The following MEIS2 variants were observed in gnomAD, a reference collection of about 807,000 sequenced individuals.
MEIS2 encodes Meis homeobox 2, also known as homeobox protein Meis2.
MEIS2 carries 9 observed loss-of-function variants against 58.6 expected under a neutral mutation model. That is an observed-to-expected ratio of 0.15 (90% CI 0.09 to 0.27). The LOEUF is 0.27. Ranked by LOEUF, MEIS2 falls within the 10% of genes least tolerant of loss-of-function variation. MEIS2 has a pLI of 1.00. For missense variants in MEIS2, 427 were observed against 635.0 expected, an observed-to-expected ratio of 0.67 and a Z score of 3.52; for synonymous variants, 221 against 228.4, an observed-to-expected ratio of 0.97 and a Z score of 0.29.
Position 36,908,750 on chromosome 15 carries a change from C to T in MEIS2, c.978-12064G>A, listed in dbSNP as rs141483534. The stretch of plus-strand genomic sequence containing the variant: ...GCGGGCGGATCACCAGCCTGACCAA[C>T]GTGGAGAAACCCCGTCTCTACTAAA... On this transcript the variant is annotated intron_variant, in intron 9 of 11. Coordinates refer to ENST00000561208, the MANE Select transcript of MEIS2 (RefSeq NM_170675.5). Among the ~76,000 whole-genome samples, 949 of 152,082 alleles carry T rather than the reference C, an allele frequency of 6.2e-3. 11 individuals are homozygous for T. The highest frequency in any genetic ancestry group is 0.022 in the African/African-American group (896 of 41,436).
chr15:36,951,203 C>T (rs1020265580), intron 8 of MEIS2, among the ~76,000 whole-genome samples: 2 of 152,182 alleles, frequency 1.3e-5, no homozygotes, highest in Non-Finnish European at 2.9e-5. Flanking sequence ...TATCAAGACA[C>T]TTTCCTCTCT....
chr15:37,022,962 A>G (rs576602465), intron 8 of MEIS2, among the ~76,000 whole-genome samples: 2 of 152,070 alleles, frequency 1.3e-5, no homozygotes, highest in African/African-American at 4.8e-5. Flanking sequence ...GCCTGCTTCA[A>G]TTTTTTTCTT....
intron 7 of MEIS2, among the ~76,000 whole-genome samples, chr15:37,050,311 T>A (rs1238186234): frequency 6.6e-6 from 1 of 152,182 alleles, no homozygotes; most frequent in Non-Finnish European, 1.5e-5. Flanking sequence ...ATATATGTTA[T>A]GGGTATAGTT....
At chr15:36,922,076 C>A (rs1471910122) in intron 9 of MEIS2, among the ~76,000 whole-genome samples, 1 of 152,134 alleles carries the variant, frequency 6.6e-6, no homozygotes, top group African/African-American at 2.4e-5. Context: ...TTTGCCTTCC[C>A]AATCTTAAAA....
intron 8 of MEIS2, among the ~76,000 whole-genome samples, chr15:37,023,056 T>C (rs1348572430): frequency 6.6e-6 from 1 of 152,206 alleles, no homozygotes; most frequent in East Asian, 1.9e-4. Context: ...TAGTTTAGTG[T>C]TTTTCTTTAT....
chr15:37,054,903 C>T (rs1040125117), intron 7 of MEIS2, among the ~76,000 whole-genome samples: 6 of 152,144 alleles, frequency 3.9e-5, no homozygotes, highest in Non-Finnish European at 5.9e-5. Flanking sequence ...TCTAGAATAA[C>T]GACAGCATTA....
At chr15:37,075,394 A>G (rs1213482122) in intron 7 of MEIS2, among the ~76,000 whole-genome samples, 2 of 152,068 alleles carry the variant, frequency 1.3e-5, no homozygotes, top group African/African-American at 4.8e-5. Context: ...GTCCATTGAC[A>G]TATTTAAGAC....
intron 8 of MEIS2, among the ~76,000 whole-genome samples, chr15:37,035,408 A>G (rs2062111516): frequency 6.6e-6 from 1 of 152,218 alleles, no homozygotes. Context: ...AAAAGTGATT[A>G]AATACTCCTG....
chr15:37,034,867 G>A (rs1007728024), intron 8 of MEIS2, among the ~76,000 whole-genome samples: 1 of 152,064 alleles, frequency 6.6e-6, no homozygotes, highest in African/African-American at 2.4e-5. Flanking sequence ...ACAGAGTTGG[G>A]GACTTGGAAG....
intron 11 of MEIS2, among the ~76,000 whole-genome samples, chr15:36,893,971 T>C (rs2056029233): frequency 6.6e-6 from 1 of 152,124 alleles, no homozygotes; most frequent in South Asian, 2.1e-4. Context: ...GTTGGCAGAC[T>C]CTGAATTTTT....
At chr15:36,918,074 C>T (rs981424070) in intron 9 of MEIS2, among the ~76,000 whole-genome samples, 1 of 152,108 alleles carries the variant, frequency 6.6e-6, no homozygotes, top group African/African-American at 2.4e-5. Flanking sequence ...GCATCAAGGA[C>T]CTTATCAGGA....
At chr15:37,053,542 A>G (rs527471423) in intron 7 of MEIS2, among the ~76,000 whole-genome samples, 2 of 152,286 alleles carry the variant, frequency 1.3e-5, no homozygotes, top group Non-Finnish European at 2.9e-5. Flanking sequence ...GACTTCCTCA[A>G]CTATTTATAT....
chr15:36,896,529 G>A, intron 10 of MEIS2, 99 bp downstream of exon 10: 2 of 923,254 alleles, frequency 2.2e-6, no homozygotes, highest in East Asian at 5.2e-5. Flanking sequence ...AGAATGCCTG[G>A]TGGAAGCACT....
chr15:37,047,517 G>A (rs1357930915), intron 7 of MEIS2, among the ~76,000 whole-genome samples: 1 of 152,166 alleles, frequency 6.6e-6, no homozygotes, highest in Non-Finnish European at 1.5e-5. Context: ...CCTCTCAGGA[G>A]GTTAATCTTT....
intron 9 of MEIS2, among the ~76,000 whole-genome samples, chr15:36,919,021 G>A (rs1412634566): frequency 2.6e-5 from 4 of 152,036 alleles, no homozygotes; most frequent in African/African-American, 9.7e-5. Flanking sequence ...ACTTTGGGAG[G>A]CCTAGAGGCA....
At chr15:37,035,291 G>A (rs566008240) in intron 8 of MEIS2, among the ~76,000 whole-genome samples, 4 of 152,324 alleles carry the variant, frequency 2.6e-5, no homozygotes, top group African/African-American at 9.6e-5. Flanking sequence ...CAGCTGAGGT[G>A]ATGTAGCAAA....
chr15:37,020,880 T>A, intron 8 of MEIS2, among the ~76,000 whole-genome samples: 1 of 152,130 alleles, frequency 6.6e-6, no homozygotes, highest in East Asian at 1.9e-4. Flanking sequence ...CTGAATTAAG[T>A]CCTCCCAAAT....
chr15:36,935,100 G>C (rs772220650), intron 9 of MEIS2, among the ~76,000 whole-genome samples: 6 of 152,062 alleles, frequency 3.9e-5, no homozygotes, highest in Non-Finnish European at 5.9e-5. Context: ...ATGGTAGTGG[G>C]AGCCACTTAG....
At chr15:36,893,073 G>A (rs546342489) in intron 11 of MEIS2, among the ~76,000 whole-genome samples, 50 of 152,262 alleles carry the variant, frequency 3.3e-4, no homozygotes, top group Non-Finnish European at 5.9e-4. Context: ...TGACATGCCC[G>A]GTAGTTTATC....
Sources: allele counts gnomAD v4.1 joint callset (sites outside exome capture counted in the v4.1 genomes callset), GRCh38; gene constraint gnomAD v4.1.1; transcripts MANE v1.5; gene names NCBI Gene and HGNC (gene_info 2026-07-23, HGNC 2026-07-21).